TSPEAR: variants seen among roughly 807,000 people sequenced by gnomAD.
The protein encoded by TSPEAR is thrombospondin type laminin G domain and EAR repeats, also known as thrombospondin-type laminin G domain and EAR repeat-containing protein.
TSPEAR carries 69 observed loss-of-function variants against 71.6 expected under a neutral mutation model. The observed-to-expected ratio is 0.96, with a 90% CI of 0.79 to 1.18. The LOEUF (loss-of-function observed/expected upper bound fraction) is 1.18. Ranked by LOEUF, TSPEAR falls within the 50% of genes most tolerant of loss-of-function variation. The pLI, the probability that TSPEAR is intolerant of heterozygous loss-of-function variation, is 0.00. For missense variants in TSPEAR, 971 were observed against 894.9 expected (o/e 1.09, Z -1.09); for synonymous variants, 402 against 387.2 (o/e 1.04, Z -0.45).
At chr21:44,672,769 G>C (rs1986122645) in intron 1 of TSPEAR, among the ~76,000 whole-genome samples, 1 of 152,054 alleles carries the variant, frequency 6.6e-6, no homozygotes, top group South Asian at 2.1e-4. Context: ...TGGATCATGG[G>C]GGCAGATTTC....
intron 1 of TSPEAR, among the ~76,000 whole-genome samples, chr21:44,628,711 G>C (rs587627124): frequency 4.1e-4 from 63 of 152,202 alleles, no homozygotes; most frequent in African/African-American, 1.5e-3. Context: ...GCAGGCCCCA[G>C]CTGTGCTGGG....
chr21:44,646,328 T>A, intron 1 of TSPEAR: 3 of 1,319,520 alleles, frequency 2.3e-6, no homozygotes, highest in Non-Finnish European at 2.1e-6. Flanking sequence ...TTGTGGAGCC[T>A]CCTGTTGGGA....
At chr21:44,616,113 C>T (rs1374572634) in intron 1 of TSPEAR, among the ~76,000 whole-genome samples, 2 of 152,162 alleles carry the variant, frequency 1.3e-5, no homozygotes, top group African/African-American at 2.4e-5. Flanking sequence ...CGGGCACCTC[C>T]CAGCGGGGCT....
chr21:44,548,966 A>G (rs1418047966), intron 2 of TSPEAR, among the ~76,000 whole-genome samples: 1 of 152,270 alleles, frequency 6.6e-6, no homozygotes, highest in Admixed American at 6.5e-5. Context: ...GCGCTTAGAC[A>G]AAGGACTTTT....
chr21:44,605,985 G>T (rs782117388), intron 1 of TSPEAR, among the ~76,000 whole-genome samples: 6 of 151,864 alleles, frequency 4.0e-5, no homozygotes, highest in Non-Finnish European at 8.8e-5. Flanking sequence ...GTACAGCCAA[G>T]GAGACAATCA....
chr21:44,508,435 T>C, intron 10 of TSPEAR: 1 of 1,020,270 alleles, frequency 9.8e-7, no homozygotes, highest in Non-Finnish European at 1.2e-6. Flanking sequence ...GCCTGCTCCA[T>C]CCCAGGATGG....
chr21:44,502,153 C>T lies in TSPEAR; in HGVS notation c.1857-2217G>A, dbSNP rs754066188. On this transcript the variant is annotated intron_variant, in intron 11 of 11. Coordinates refer to ENST00000323084, the MANE Select transcript of TSPEAR (RefSeq NM_144991.3). ...ACAGTAAACATAGTGGACCGCACCACGCACTCACAGATGCCAAAGGAGACC... is the reference window on the plus strand; with the variant it reads ...ACAGTAAACATAGTGGACCGCACCATGCACTCACAGATGCCAAAGGAGACC... Among the ~76,000 whole-genome samples the T allele has an allele frequency of 2.6e-5, 4 of 152,310 alleles. 1 individual carries two copies. The highest frequency in any genetic ancestry group is 3.9e-4 in the East Asian group (2 of 5,190).
At chr21:44,514,450 G>A (rs1232327557) in intron 9 of TSPEAR, among the ~76,000 whole-genome samples, 1 of 152,178 alleles carries the variant, frequency 6.6e-6, no homozygotes, top group Non-Finnish European at 1.5e-5. Context: ...CCAAGTCGGG[G>A]GCCCAGCTGT....
At chr21:44,679,805 A>T (rs1022017793) in intron 1 of TSPEAR, among the ~76,000 whole-genome samples, 1 of 152,248 alleles carries the variant, frequency 6.6e-6, no homozygotes, top group African/African-American at 2.4e-5. Flanking sequence ...CCCCTTCAAT[A>T]AATGGTGCTG....
intron 9 of TSPEAR, chr21:44,517,393 G>A (rs1308925535): frequency 9.6e-6 from 2 of 209,414 alleles, no homozygotes; most frequent in African/African-American, 4.7e-5. Flanking sequence ...CCAATGAGCT[G>A]TGAGTACACG....
intron 2 of TSPEAR, among the ~76,000 whole-genome samples, chr21:44,540,990 T>G (rs2053212858): frequency 6.6e-6 from 1 of 152,020 alleles, no homozygotes; most frequent in Non-Finnish European, 1.5e-5. Flanking sequence ...TTTTTTTTTT[T>G]TTTGTACAGA....
At chr21:44,558,397 G>T (rs782218072) in intron 2 of TSPEAR, 18 of 1,613,450 alleles carry the variant, frequency 1.1e-5, no homozygotes, top group Middle Eastern at 3.3e-4. Flanking sequence ...CAGCAGACTG[G>T]CTTGCAGCAG....
rs75990719 is a variant in TSPEAR at position 44,593,287 on chromosome 21, C to T, written c.83-25282G>A. On this transcript the variant is annotated intron_variant, in intron 1 of 11. Transcript: ENST00000323084. The surrounding 1 kb of genome is among the most constrained non-coding windows in gnomAD (Gnocchi z 5.9). ...GGCTCCTCTGTGTGCTCTGCTTCTC[C>T]GAGGCTGCCCGTCAGCCCCCACCCA... 0.018 allele frequency among the ~76,000 whole-genome samples: 2,798 copies of T among 152,240 alleles called. 82 individuals are homozygous for T. The highest frequency in any genetic ancestry group is 0.064 in the African/African-American group (2,653 of 41,514).
rs1488408938 is a variant in TSPEAR at position 44,593,942 on chromosome 21, TC to T, written c.83-25938del. ...GGGCAGGAGACTGACTTCAGGAACCTCCTCCTGATAAGGGACCCCCAACCAT... is the reference window on the plus strand; with the variant it reads ...GGGCAGGAGACTGACTTCAGGAACCTCTCCTGATAAGGGACCCCCAACCAT... On this transcript the variant is annotated intron_variant, in intron 1 of 11. Transcript: ENST00000323084. The surrounding 1 kb of genome is among the most constrained non-coding windows in gnomAD (Gnocchi z 5.9). Among the ~76,000 whole-genome samples the T allele has an allele frequency of 3.0e-4, 46 of 152,112 alleles. No individual in the cohort carries two copies. Among genetic ancestry groups the T allele is most frequent in the African/African-American group, 1.1e-3 (44 of 41,416 alleles).
chr21:44,514,737 A>C (rs782339695), intron 9 of TSPEAR, among the ~76,000 whole-genome samples: 10 of 152,196 alleles, frequency 6.6e-5, no homozygotes, highest in Admixed American at 1.3e-4. Context: ...AGGCCCAGTC[A>C]TTGGAGGCCT....
At chr21:44,657,846 A>AAC in intron 1 of TSPEAR, 2 of 835,530 alleles carry the variant, frequency 2.4e-6, no homozygotes, top group Non-Finnish European at 3.8e-6. Context: ...ACACAGTGGA[A>AAC]ACAACCACAA....
intron 2 of TSPEAR, among the ~76,000 whole-genome samples, chr21:44,560,183 C>T (rs2053612371): frequency 6.7e-6 from 1 of 149,938 alleles, no homozygotes; most frequent in Admixed American, 6.6e-5. Flanking sequence ...GGGTTGCAAT[C>T]CTAGTCTCTG....
intron 1 of TSPEAR, among the ~76,000 whole-genome samples, chr21:44,578,313 T>C (rs1555924216): frequency 6.6e-6 from 1 of 152,184 alleles, no homozygotes; most frequent in Non-Finnish European, 1.5e-5. Flanking sequence ...TGACTGGAAA[T>C]GCATCATTTA....
At chr21:44,617,778 A>G (rs1391408150) in intron 1 of TSPEAR, among the ~76,000 whole-genome samples, 3 of 152,258 alleles carry the variant, frequency 2.0e-5, no homozygotes, top group African/African-American at 7.2e-5. Flanking sequence ...GATGTCTGCA[A>G]CACCAGGTGG....
Sources: allele counts gnomAD v4.1 joint callset (sites outside exome capture counted in the v4.1 genomes callset), GRCh38; gene constraint gnomAD v4.1.1; non-coding constraint Gnocchi (gnomAD v3.1); transcripts MANE v1.5; gene names NCBI Gene and HGNC (gene_info 2026-07-23, HGNC 2026-07-21).